The following BICD2 variants were observed in gnomAD, a reference collection of about 807,000 sequenced individuals.
The protein encoded by BICD2 is BICD cargo adaptor 2, also known as protein bicaudal D homolog 2.
BICD2 carries 25 observed loss-of-function variants against 72.9 expected under a neutral mutation model. The observed-to-expected ratio is 0.34, with a 90% CI of 0.25 to 0.48. The LOEUF (loss-of-function observed/expected upper bound fraction) is 0.48. BICD2 is among the 20% of genes least tolerant of loss of function. BICD2 has a pLI of 0.99. For missense variants in BICD2, 894 were observed against 1,175.2 expected (o/e 0.76, Z 3.50); for synonymous variants, 501 against 516.1 (o/e 0.97, Z 0.40).
At chr9:92,760,502 G>T (rs904332640) in intron 1 of BICD2, among the ~76,000 whole-genome samples, 5 of 152,214 alleles carry the variant, frequency 3.3e-5, no homozygotes, top group Admixed American at 3.3e-4. Context: ...AGGGCTCGAT[G>T]TGGGAGTTTC....
At position 92,720,670 on chromosome 9, in the gene BICD2, C is replaced by T. The variant is rs769096602; in HGVS notation, c.692G>A (p.Arg231His). Residue 231 changes from arginine to histidine, a missense_variant, in exon 4 of 7, where the codon CGC becomes CAC. Coordinates refer to ENST00000356884, the MANE Select transcript of BICD2 (RefSeq NM_001003800.2). This position sits in a 1 kb window ranked among gnomAD's most constrained non-coding sequence, Gnocchi z 5.4. ...CTGCCGCTCTGAGATCTCCTTGAGGCGGATGGCATCCTCCAGCTGGCTGTT... is the reference window on the plus strand; with the variant it reads ...CTGCCGCTCTGAGATCTCCTTGAGGTGGATGGCATCCTCCAGCTGGCTGTT... ...YLNSQLEDAI[R>H]LKEISERQLE... The T allele has an allele frequency of 5.6e-6, 9 of 1,614,182 alleles. No homozygotes were observed. Among genetic ancestry groups the T allele is most frequent in the South Asian group, 3.3e-5 (3 of 91,088 alleles).
chr9:92,754,717 C>T (rs1261415712), intron 1 of BICD2, among the ~76,000 whole-genome samples: 2 of 152,342 alleles, frequency 1.3e-5, no homozygotes, highest in East Asian at 1.9e-4. Context: ...GTCTTTACTG[C>T]AATCTCTAAA....
chr9:92,723,503 CAG>C (rs1853505451), intron 2 of BICD2, among the ~76,000 whole-genome samples: 1 of 152,170 alleles, frequency 6.6e-6, no homozygotes, highest in African/African-American at 2.4e-5. Flanking sequence ...ATGAAATATC[CAG>C]AATAGGCAAA....
In BICD2 at chr9:92,720,383, G is replaced by A. The variant is rs147814238; in HGVS notation, c.979C>T (p.Pro327Ser). Residue 327 changes from proline (P) to serine (S), a missense_variant, in exon 4 of 7, where the codon CCG (proline) becomes TCG (serine). Coordinates refer to ENST00000356884, the MANE Select transcript of BICD2 (RefSeq NM_001003800.2). This position sits in a 1 kb window ranked among gnomAD's most constrained non-coding sequence, Gnocchi z 5.4. ...TCGGAGACGAGGCTGGGGGAGGGCG[G>A]TGCGAGGCCCTCCTTCTTGGGCGTG... ...TSTPKKEGLA[P>S]PSPSLVSDLL... is the part of the protein sequence containing the mutation. 8.4e-5 allele frequency: 136 copies of A among 1,614,106 alleles called. No individual in the cohort carries two copies. In the African/African-American group the frequency reaches 1.8e-3, roughly 21 times the overall value.
chr9:92,746,230 C>T (rs1854009968), intron 1 of BICD2, among the ~76,000 whole-genome samples: 1 of 152,108 alleles, frequency 6.6e-6, no homozygotes, highest in Non-Finnish European at 1.5e-5. Context: ...CAGGCACCAC[C>T]CAAGAAAGAT....
At chr9:92,750,495 A>T (rs1854124834) in intron 1 of BICD2, among the ~76,000 whole-genome samples, 3 of 152,330 alleles carry the variant, frequency 2.0e-5, no homozygotes, top group Admixed American at 2.0e-4. Context: ...AACATGGATA[A>T]ATCTTAAGTG....
At chr9:92,738,053 G>A (rs1022312793) in intron 1 of BICD2, among the ~76,000 whole-genome samples, 7 of 152,218 alleles carry the variant, frequency 4.6e-5, no homozygotes, top group Non-Finnish European at 4.4e-5. Context: ...ACTTCCCGGC[G>A]GCACAGCAGG....
rs1554709957 is a variant in BICD2, at chr9:92,764,801, AGCCGCCGCCGCT to A, written c.-69_-58del. 192 of 1,235,448 alleles carry A rather than the reference AGCCGCCGCCGCT, an allele frequency of 1.6e-4. No individual in the cohort carries two copies. Among genetic ancestry groups the A allele is most frequent in the Admixed American group, 1.2e-3 (28 of 22,430 alleles). The allele number at this position is 1,235,448 out of a possible 1,614,324, so 76.5% of individuals were successfully genotyped here. Reference sequence around the variant, plus strand: ...GGCTCTCGCAGGCCGGGCCCTCCTCAGCCGCCGCCGCTGCCGCCGCCGCCGCCGCCCTGCCCC... The same window carrying A: ...GGCTCTCGCAGGCCGGGCCCTCCTCAGCCGCCGCCGCCGCCGCCCTGCCCC... On this transcript the variant is annotated 5_prime_UTR_variant, in exon 1 of 7. Coordinates refer to ENST00000356884, the MANE Select transcript of BICD2 (RefSeq NM_001003800.2). This position sits in a 1 kb window ranked among gnomAD's most constrained non-coding sequence, Gnocchi z 5.5.
At position 92,764,823 on chromosome 9, in the gene BICD2, G is replaced by A. The variant is rs1587696847; in HGVS notation, c.-79C>T. 8.9e-6 allele frequency: 10 copies of A among 1,126,970 alleles called. No individual in the cohort carries two copies. In the East Asian group the frequency reaches 5.2e-4, roughly 58 times the overall value. The allele number at this position is 1,126,970 out of a possible 1,614,324, so 69.8% of individuals were successfully genotyped here. Reference sequence around the variant, plus strand: ...CTCAGCCGCCGCCGCTGCCGCCGCCGCCGCCGCCCTGCCCCGACGGCCGCC... The same window carrying A: ...CTCAGCCGCCGCCGCTGCCGCCGCCACCGCCGCCCTGCCCCGACGGCCGCC... On this transcript the variant is annotated 5_prime_UTR_variant, in exon 1 of 7. Transcript: ENST00000356884. The surrounding 1 kb of genome is among the most constrained non-coding windows in gnomAD (Gnocchi z 5.5).
chr9:92,740,545 C>G (rs1272703056), intron 1 of BICD2, among the ~76,000 whole-genome samples: 2 of 151,536 alleles, frequency 1.3e-5, no homozygotes, highest in African/African-American at 4.9e-5. Context: ...GGAGGGGGGG[C>G]GTTGTGGTGG....
Position 92,729,168 on chromosome 9 carries a change from C to G in BICD2, c.309G>C (p.Leu103=), listed in dbSNP as rs758686924. 4 of 1,614,270 alleles carry G rather than the reference C, an allele frequency of 2.5e-6. No homozygotes were observed. The highest frequency in any genetic ancestry group is 2.5e-6 in the Non-Finnish European group (3 of 1,180,058). ...GCTCCTTGGAGGCCGACTCCTGGAT[C>G]AGGCTCTCCTCCCGGCTCTCTCCGT... ...AADGESREES[L]IQESASKEQY... is the part of the protein sequence containing the mutation. The change falls in exon 2 of 7, where the codon CTG becomes CTC. Residue 103 remains leucine (L), a synonymous_variant. Coordinates refer to ENST00000356884, the MANE Select transcript of BICD2 (RefSeq NM_001003800.2).
intron 1 of BICD2, among the ~76,000 whole-genome samples, chr9:92,760,313 G>A (rs1854345752): frequency 1.3e-5 from 2 of 152,218 alleles, no homozygotes; most frequent in Non-Finnish European, 1.5e-5. Context: ...CTCCATCACA[G>A]CTGTGCCTGC....
chr9:92,738,823 G>T lies in BICD2; in HGVS notation c.241-9587C>A, dbSNP rs529299528. 2.6e-5 allele frequency among the ~76,000 whole-genome samples: 4 copies of T among 152,362 alleles called. No individual in the cohort carries two copies. In the South Asian group the frequency reaches 8.3e-4, roughly 32 times the overall value. On this transcript the variant is annotated intron_variant, in intron 1 of 6. Coordinates refer to ENST00000356884, the MANE Select transcript of BICD2 (RefSeq NM_001003800.2). Reference sequence around the variant, plus strand: ...AGGAACAACACTTGCCAAGCCAGGAGAGCCAGCCGCAGCATTCCAATGAGG... The same window carrying T: ...AGGAACAACACTTGCCAAGCCAGGATAGCCAGCCGCAGCATTCCAATGAGG...
chr9:92,726,827 T>C (rs1346534833), intron 2 of BICD2, among the ~76,000 whole-genome samples: 1 of 152,162 alleles, frequency 6.6e-6, no homozygotes, highest in Non-Finnish European at 1.5e-5. Flanking sequence ...CCACAAGACC[T>C]GCAGCATCTT....
At chr9:92,744,836 G>C (rs148350574) in intron 1 of BICD2, among the ~76,000 whole-genome samples, 1 of 150,986 alleles carries the variant, frequency 6.6e-6, no homozygotes, top group African/African-American at 2.4e-5. Flanking sequence ...GCGAGACTCC[G>C]TCTCAGAAAA....
At chr9:92,732,549 A>G (rs1214688123) in intron 1 of BICD2, among the ~76,000 whole-genome samples, 1 of 152,250 alleles carries the variant, frequency 6.6e-6, no homozygotes, top group African/African-American at 2.4e-5. Context: ...AAAACCAATT[A>G]TATAATAAAA....
chr9:92,744,287 G>A (rs762584949), intron 1 of BICD2, among the ~76,000 whole-genome samples: 1 of 152,140 alleles, frequency 6.6e-6, no homozygotes, highest in Non-Finnish European at 1.5e-5. Context: ...CACAAAAAAA[G>A]TACGGTGCAA....
intron 1 of BICD2, among the ~76,000 whole-genome samples, chr9:92,740,239 C>T (rs1013959053): frequency 6.6e-6 from 1 of 152,216 alleles, no homozygotes; most frequent in South Asian, 2.1e-4. Context: ...AGAATGACAT[C>T]AGAGCAATCT....
At chr9:92,747,276 T>C (rs1203164338) in intron 1 of BICD2, among the ~76,000 whole-genome samples, 2 of 152,140 alleles carry the variant, frequency 1.3e-5, no homozygotes, top group African/African-American at 4.8e-5. Flanking sequence ...CCTGACCCCC[T>C]CTTAGGTGCT....
Sources: allele counts gnomAD v4.1 joint callset (sites outside exome capture counted in the v4.1 genomes callset), GRCh38; gene constraint gnomAD v4.1.1; non-coding constraint Gnocchi (gnomAD v3.1); transcripts MANE v1.5; gene names NCBI Gene and HGNC (gene_info 2026-07-23, HGNC 2026-07-21).